The following PCDHAC1 variants were observed in gnomAD, a reference collection of about 807,000 sequenced individuals.
The protein encoded by PCDHAC1 is protocadherin alpha subfamily C, 1, also known as protocadherin alpha-C1.
In PCDHAC1, 42 loss-of-function variants were observed where a neutral mutation model predicts 60.0. The ratio of observed to expected loss-of-function variants is 0.70; its 90% CI spans 0.55 to 0.90. The LOEUF is 0.90. Among genes scored for constraint, PCDHAC1 ranks in the 40% least tolerant of loss-of-function variants. The pLI is 0.00. For missense variants in PCDHAC1, 1,160 were observed against 1,222.3 expected (o/e 0.95, Z 0.76); for synonymous variants, 468 against 499.3 (o/e 0.94, Z 0.84).
At chr5:140,952,098 C>T (rs1337442909) in intron 1 of PCDHAC1, among the ~76,000 whole-genome samples, 2 of 152,108 alleles carry the variant, frequency 1.3e-5, no homozygotes, top group African/African-American at 4.8e-5. Flanking sequence ...ACATCCAGGG[C>T]ACACTCGTGT....
chr5:140,964,363 G>A (rs1050460842), intron 1 of PCDHAC1, among the ~76,000 whole-genome samples: 1 of 152,188 alleles, frequency 6.6e-6, no homozygotes, highest in Non-Finnish European at 1.5e-5. Flanking sequence ...GATGACAAGA[G>A]TGCTGAAAGG....
At chr5:140,972,906 C>T (rs1554234702) in intron 1 of PCDHAC1, among the ~76,000 whole-genome samples, 1 of 152,048 alleles carries the variant, frequency 6.6e-6, no homozygotes, top group African/African-American at 2.4e-5. Context: ...TTGTGATCCA[C>T]CCGCCTTGGC....
chr5:140,983,228 A>G (rs1012242202), intron 3 of PCDHAC1, among the ~76,000 whole-genome samples: 1 of 152,240 alleles, frequency 6.6e-6, no homozygotes, highest in South Asian at 2.1e-4. Flanking sequence ...CCAAACTTTC[A>G]GGAAAGAGAA....
intron 3 of PCDHAC1, among the ~76,000 whole-genome samples, chr5:141,007,858 G>A (rs376865557): frequency 6.6e-6 from 1 of 152,116 alleles, no homozygotes; most frequent in African/African-American, 2.4e-5. Context: ...GTCCTTAAAG[G>A]TCTTTTCCTT....
chr5:140,949,958 T>G (rs1192385409), intron 1 of PCDHAC1, among the ~76,000 whole-genome samples: 1 of 151,896 alleles, frequency 6.6e-6, no homozygotes, highest in Non-Finnish European at 1.5e-5. Context: ...GTGGTTGCTG[T>G]AAGGATTACA....
intron 3 of PCDHAC1, among the ~76,000 whole-genome samples, chr5:140,984,251 T>C (rs1164028325): frequency 6.6e-6 from 1 of 152,210 alleles, no homozygotes; most frequent in Non-Finnish European, 1.5e-5. Flanking sequence ...GTCGACCTGG[T>C]AAGCCACAAA....
Position 140,969,193 on chromosome 5 carries a change from C to T in PCDHAC1, c.2434-9756C>T, listed in dbSNP as rs1232655466. The T allele has an allele frequency of 8.1e-6, 13 of 1,614,002 alleles. No homozygotes were observed. In the African/African-American group the frequency reaches 1.2e-4, roughly 15 times the overall value. ...CAGGGAGTGACACTTTCATGTTTTA[C>T]AATACAGGGGCCCAGACAGGACCAG... is the stretch of plus-strand genomic sequence containing the variant. On this transcript the variant is annotated intron_variant, in intron 1 of 3. Transcript: ENST00000253807.
chr5:140,983,054 G>A (rs933321433), intron 3 of PCDHAC1, among the ~76,000 whole-genome samples: 1 of 151,858 alleles, frequency 6.6e-6, no homozygotes. Flanking sequence ...GAAAATTATC[G>A]GAACCAAGGC....
chr5:140,967,665 C>T (rs782126222), intron 1 of PCDHAC1: 23 of 1,614,036 alleles, frequency 1.4e-5, no homozygotes, highest in East Asian at 2.2e-5. Context: ...AGCAGCTACA[C>T]GTCGGACCGG....
Position 140,926,537 on chromosome 5 carries a change from T to G in PCDHAC1, c.-356T>G. ...CTCCGCCCTGCGCCCGCAGCCAGCGTGGTGGTCGAGACCCCAGCCCGCTGC... is the reference window on the plus strand; with the variant it reads ...CTCCGCCCTGCGCCCGCAGCCAGCGGGGTGGTCGAGACCCCAGCCCGCTGC... On this transcript the variant is annotated 5_prime_UTR_variant, in exon 1 of 4. Coordinates refer to ENST00000253807, the MANE Select transcript of PCDHAC1 (RefSeq NM_018898.5). 10 of 211,562 alleles carry G rather than the reference T, an allele frequency of 4.7e-5. No individual in the cohort carries two copies. Among genetic ancestry groups the G allele is most frequent in the Non-Finnish European group, 7.4e-5 (8 of 108,132 alleles). The allele number at this position is 211,562 out of a possible 1,614,324, so 13.1% of individuals were successfully genotyped here.
intron 1 of PCDHAC1, 142 bp from the exon 2 acceptor site, chr5:140,978,807 A>T (rs1489269679): frequency 6.7e-7 from 1 of 1,494,726 alleles, no homozygotes; most frequent in Non-Finnish European, 8.9e-7. Context: ...AGATATCATC[A>T]TAGAGTTACA....
intron 1 of PCDHAC1, among the ~76,000 whole-genome samples, chr5:140,961,059 G>A (rs2095587077): frequency 6.6e-6 from 1 of 152,076 alleles, no homozygotes; most frequent in African/African-American, 2.4e-5. Flanking sequence ...AATGTTGAAT[G>A]GGATATCTGG....
In PCDHAC1 at chr5:140,928,599, T is replaced by G; in HGVS notation, c.1707T>G (p.Ile569Met). Residue 569 changes from isoleucine to methionine, a missense_variant, in exon 1 of 4, where the codon ATT becomes ATG. By Grantham distance (10) the Ile-to-Met change is conservative. Transcript: ENST00000253807. ...GAAATGGTTCTGTCCCAGTGGAAAT[T>G]GTGCCCCGCTCTGCCAGGACTGGAC... ...LPRNGSVPVE[I>M]VPRSARTGHL... is the part of the protein sequence containing the mutation. 6.2e-7 allele frequency: 1 copy of G among 1,614,224 alleles called. No individual in the cohort carries two copies.
At chr5:140,936,433 G>A (rs907839925) in intron 1 of PCDHAC1, among the ~76,000 whole-genome samples, 4 of 152,126 alleles carry the variant, frequency 2.6e-5, no homozygotes, top group Admixed American at 2.6e-4. Flanking sequence ...ATTAATTTAA[G>A]CTTAAATAAC....
chr5:140,968,091 C>T lies in PCDHAC1; in HGVS notation c.2434-10858C>T, dbSNP rs782079016. 1.4e-5 allele frequency: 22 copies of T among 1,614,128 alleles called. No individual in the cohort carries two copies. Among genetic ancestry groups the T allele is most frequent in the Non-Finnish European group, 1.9e-5 (22 of 1,180,016 alleles). On this transcript the variant is annotated intron_variant, in intron 1 of 3. Coordinates refer to ENST00000253807, the MANE Select transcript of PCDHAC1 (RefSeq NM_018898.5). ...GTCTACAACATCACGGTGACAGCCA[C>T]AGATGGGGGAATACCGCAGCTCACA...
chr5:140,945,701 CA>C (rs1563215722), intron 1 of PCDHAC1, among the ~76,000 whole-genome samples: 1 of 151,988 alleles, frequency 6.6e-6, no homozygotes, highest in Non-Finnish European at 1.5e-5. Context: ...CACTGATTTG[CA>C]ACAAAAGTAT....
chr5:140,972,398 A>G (rs2096535021), intron 1 of PCDHAC1, among the ~76,000 whole-genome samples: 1 of 151,358 alleles, frequency 6.6e-6, no homozygotes, highest in Non-Finnish European at 1.5e-5. Flanking sequence ...TTGCTTCACT[A>G]TTGGCAAACC....
At chr5:140,983,168 C>G (rs2097030716) in intron 3 of PCDHAC1, among the ~76,000 whole-genome samples, 1 of 152,146 alleles carries the variant, frequency 6.6e-6, no homozygotes. Context: ...CCAAACATGA[C>G]CGCCTCACAA....
Position 140,979,220 on chromosome 5 carries a change from C to T in PCDHAC1, c.2492+213C>T, listed in dbSNP as rs552719327. ...TATCAAGTGCTGGCATATAAGAGTC[C>T]TCTGTAAAATCACAGAAACAGGCTG... On this transcript the variant is annotated intron_variant, in intron 2 of 3. Transcript: ENST00000253807. Among the ~76,000 whole-genome samples, 27 of 152,304 alleles carry T rather than the reference C, an allele frequency of 1.8e-4. 1 individual carries two copies. The highest frequency in any genetic ancestry group is 6.3e-4 in the African/African-American group (26 of 41,574).
Sources: allele counts gnomAD v4.1 joint callset (sites outside exome capture counted in the v4.1 genomes callset), GRCh38; gene constraint gnomAD v4.1.1; transcripts MANE v1.5; gene names NCBI Gene and HGNC (gene_info 2026-07-23, HGNC 2026-07-21).